Variants in TBC1D4 observed in about 807,000 individuals in gnomAD.
TBC1D4 encodes TBC1 domain family member 4, also known as TBC (Tre-2, BUB2, CDC16) domain-containing protein.
Under a neutral mutation model 142.5 loss-of-function variants are expected in TBC1D4, and 121 were observed. The observed-to-expected ratio is 0.85, with a 90% CI of 0.73 to 0.99. The LOEUF is 0.99. TBC1D4 is among the 50% of genes least tolerant of loss of function. TBC1D4 has a pLI of 0.00. For missense variants in TBC1D4, 1,475 were observed against 1,606.6 expected, an observed-to-expected ratio of 0.92 and a Z score of 1.40; for synonymous variants, 630 against 628.2, an observed-to-expected ratio of 1.00 and a Z score of -0.04.
chr13:75,343,338 G>A (rs1404074639), intron 5 of TBC1D4, among the ~76,000 whole-genome samples: 2 of 152,158 alleles, frequency 1.3e-5, no homozygotes, highest in African/African-American at 4.8e-5. Flanking sequence ...CACCAGGCCT[G>A]CTTTAAACCA....
At chr13:75,424,080 C>T (rs1886274554) in intron 1 of TBC1D4, among the ~76,000 whole-genome samples, 1 of 152,096 alleles carries the variant, frequency 6.6e-6, no homozygotes, top group Non-Finnish European at 1.5e-5. Context: ...GTGGGCAACA[C>T]AGTGAGACCT....
At chr13:75,421,118 T>A (rs1886149488) in intron 1 of TBC1D4, among the ~76,000 whole-genome samples, 1 of 152,206 alleles carries the variant, frequency 6.6e-6, no homozygotes, top group South Asian at 2.1e-4. Context: ...CTTTCCTAGT[T>A]TCTTTTGGAG....
chr13:75,300,462 G>C (rs1593880800), intron 16 of TBC1D4, among the ~76,000 whole-genome samples: 1 of 152,278 alleles, frequency 6.6e-6, no homozygotes, highest in Non-Finnish European at 1.5e-5. Context: ...TTTAGAACTT[G>C]CAAGAGTGCC....
chr13:75,390,284 A>AAAAC (rs1403896150), intron 1 of TBC1D4, among the ~76,000 whole-genome samples: 1 of 151,444 alleles, frequency 6.6e-6, no homozygotes, highest in Non-Finnish European at 1.5e-5. Context: ...CGTCAAAAAA[A>AAAAC]AAAAAAAAAA....
intron 1 of TBC1D4, among the ~76,000 whole-genome samples, chr13:75,425,126 T>G (rs1451860178): frequency 6.7e-6 from 1 of 148,306 alleles, no homozygotes; most frequent in Non-Finnish European, 1.5e-5. Flanking sequence ...ATCCCAAATA[T>G]ATAAGGAACA....
chr13:75,460,768 A>G (rs990342874), intron 1 of TBC1D4, among the ~76,000 whole-genome samples: 9 of 152,240 alleles, frequency 5.9e-5, no homozygotes, highest in Middle Eastern at 6.8e-3. Flanking sequence ...TAAAAATAAA[A>G]AAAAAATGGC....
intron 10 of TBC1D4, 73 bp from the exon 11 acceptor site, chr13:75,324,474 A>G: frequency 6.5e-7 from 1 of 1,546,998 alleles, no homozygotes; most frequent in Non-Finnish European, 8.8e-7. Context: ...ATGAAAAAGC[A>G]TATAAACAGG....
At chr13:75,374,121 T>C (rs764920031) in intron 1 of TBC1D4, among the ~76,000 whole-genome samples, 2 of 152,130 alleles carry the variant, frequency 1.3e-5, no homozygotes, top group Non-Finnish European at 2.9e-5. Flanking sequence ...ACCATATTGC[T>C]TGAAAGCCAC....
chr13:75,338,845 G>C (rs559769541), intron 7 of TBC1D4, among the ~76,000 whole-genome samples: 6 of 152,206 alleles, frequency 3.9e-5, no homozygotes, highest in East Asian at 3.9e-4. Context: ...TCCCGGCTCT[G>C]TTTCATCAAA....
intron 1 of TBC1D4, among the ~76,000 whole-genome samples, chr13:75,379,880 T>C (rs1386147392): frequency 1.4e-5 from 2 of 141,306 alleles, no homozygotes; most frequent in African/African-American, 5.2e-5. Flanking sequence ...GTTTTGTTCA[T>C]CTGACTCTTT....
At chr13:75,291,149 TC>T (rs1484232286) in intron 19 of TBC1D4, among the ~76,000 whole-genome samples, 1 of 152,138 alleles carries the variant, frequency 6.6e-6, no homozygotes, top group Non-Finnish European at 1.5e-5. Flanking sequence ...TCTGCCCTCA[TC>T]CATTCTATTG....
intron 1 of TBC1D4, among the ~76,000 whole-genome samples, chr13:75,421,822 C>T (rs1050994003): frequency 2.4e-4 from 37 of 152,180 alleles, no homozygotes; most frequent in African/African-American, 8.7e-4. Flanking sequence ...AAAATACTGA[C>T]TTTAAAGTTA....
At chr13:75,322,550 T>A (rs956476516) in intron 11 of TBC1D4, among the ~76,000 whole-genome samples, 7 of 152,110 alleles carry the variant, frequency 4.6e-5, no homozygotes, top group Non-Finnish European at 8.8e-5. Flanking sequence ...ATATGAACAA[T>A]CTGTATAGAC....
intron 8 of TBC1D4, among the ~76,000 whole-genome samples, chr13:75,329,978 C>T (rs1879613846): frequency 1.3e-5 from 2 of 152,228 alleles, no homozygotes; most frequent in South Asian, 4.1e-4. Flanking sequence ...ATGACTTTTA[C>T]ACAGTCACTC....
chr13:75,373,591 C>T (rs546326604), intron 1 of TBC1D4, among the ~76,000 whole-genome samples: 155 of 152,296 alleles, frequency 1.0e-3, no homozygotes, highest in Non-Finnish European at 2.0e-3. Context: ...AAATGCACAA[C>T]CTCCAACCCT....
rs1874660404 is a variant in TBC1D4 at position 75,286,296 on chromosome 13, A to G, written c.*496T>C. The G allele has an allele frequency of 6.3e-6, 1 of 158,454 alleles. No homozygotes were observed. The highest frequency in any genetic ancestry group is 1.4e-5 in the Non-Finnish European group (1 of 71,424). The allele number at this position is 158,454 out of a possible 1,614,324, so 9.8% of individuals were successfully genotyped here. ...TCAAGACAGATACACATAAAGTTAC[A>G]TAAATGTTTCCACCTTTTCACCATT... On this transcript the variant is annotated 3_prime_UTR_variant, in exon 21 of 21. Transcript: ENST00000377636.
Position 75,326,205 on chromosome 13 carries a change from T to C in TBC1D4, c.2025A>G (p.Glu675=), listed in dbSNP as rs1879233982. The change falls in exon 10 of 21, where the codon GAA becomes GAG. Residue 675 remains glutamate (E), a synonymous_variant. Coordinates refer to ENST00000377636, the MANE Select transcript of TBC1D4 (RefSeq NM_014832.5). ...GAGAGGGTCAGACTCACCTGCACTG[T>C]TCACTGGAGCTCTGCCTCAGCAGAG... The part of the protein sequence containing the change: ...RSPLLRQSSS[E]QCSNLSSVRR... The C allele has an allele frequency of 1.2e-6, 2 of 1,614,058 alleles. No individual in the cohort carries two copies. Among genetic ancestry groups the C allele is most frequent in the African/African-American group, 1.3e-5 (1 of 74,930 alleles).
chr13:75,342,327 C>T (rs1477156094), intron 5 of TBC1D4, among the ~76,000 whole-genome samples: 2 of 152,128 alleles, frequency 1.3e-5, no homozygotes, highest in African/African-American at 4.8e-5. Context: ...TAAGACCTCA[C>T]ATGGAAATAA....
At position 75,327,794 on chromosome 13, in the gene TBC1D4, A is replaced by C; in HGVS notation, c.1764T>G (p.Ser588Arg). The C allele has an allele frequency of 6.2e-7, 1 of 1,614,010 alleles. No individual in the cohort carries two copies. Among genetic ancestry groups the C allele is most frequent in the Non-Finnish European group, 8.5e-7 (1 of 1,179,892 alleles). Residue 588 changes from serine to arginine, a missense_variant, in exon 9 of 21, where the codon AGT becomes AGG. By Grantham distance (110) the Ser-to-Arg change is moderately radical. Coordinates refer to ENST00000377636, the MANE Select transcript of TBC1D4 (RefSeq NM_014832.5). ...GANRMRGRLG[S>R]VDSFERSNSL... is the part of the protein sequence containing the mutation. ...TGTTGGACCGTTCAAAACTGTCCACACTTCCAAGCCGACCTCTCATTCTGT... is the reference window on the plus strand; with the variant it reads ...TGTTGGACCGTTCAAAACTGTCCACCCTTCCAAGCCGACCTCTCATTCTGT...
Sources: allele counts gnomAD v4.1 joint callset (sites outside exome capture counted in the v4.1 genomes callset), GRCh38; gene constraint gnomAD v4.1.1; transcripts MANE v1.5; gene names NCBI Gene and HGNC (gene_info 2026-07-23, HGNC 2026-07-21).